MAGI3: variants seen among roughly 807,000 people sequenced by gnomAD.
MAGI3 encodes the protein membrane-associated guanylate kinase, WW and PDZ domain-containing protein 3.
A neutral mutation model predicts 121.8 loss-of-function variants in MAGI3; 43 were observed. The ratio of observed to expected loss-of-function variants is 0.35; its 90% CI spans 0.28 to 0.46. The LOEUF (loss-of-function observed/expected upper bound fraction) is 0.46, where lower values mean the gene tolerates loss of function less well. Among genes scored for constraint, MAGI3 ranks in the 20% least tolerant of loss-of-function variants. The pLI, the probability that MAGI3 is intolerant of heterozygous loss-of-function variation, is 1.00. For synonymous variants in MAGI3, 553 were observed against 639.3 expected, an observed-to-expected ratio of 0.86 and a Z score of 2.04; for missense variants, 1,547 against 1,797.3, an observed-to-expected ratio of 0.86 and a Z score of 2.52.
intron 1 of MAGI3, among the ~76,000 whole-genome samples, chr1:113,488,104 A>T (rs981465438): frequency 6.6e-6 from 1 of 152,104 alleles, no homozygotes; most frequent in African/African-American, 2.4e-5. Flanking sequence ...TTTTTTTACT[A>T]CTATTTTAAC....
At chr1:113,477,035 A>G (rs1655859385) in intron 1 of MAGI3, among the ~76,000 whole-genome samples, 1 of 148,088 alleles carries the variant, frequency 6.8e-6, no homozygotes, top group Non-Finnish European at 1.5e-5. Context: ...ATCAGAGACT[A>G]GGGTTGCACC....
chr1:113,682,672 G>T, intron 20 of MAGI3: 1 of 977,144 alleles, frequency 1.0e-6, no homozygotes, highest in Non-Finnish European at 1.2e-6. Flanking sequence ...TGGAAAAAAT[G>T]AATATTATTT....
At chr1:113,630,974 G>A (rs1651592374) in intron 9 of MAGI3, among the ~76,000 whole-genome samples, 1 of 152,222 alleles carries the variant, frequency 6.6e-6, no homozygotes, top group Admixed American at 6.5e-5. Flanking sequence ...CCAGTGGTGA[G>A]GCTTGCTGGA....
At chr1:113,442,035 C>T (rs1008581196) in intron 1 of MAGI3, among the ~76,000 whole-genome samples, 3 of 151,870 alleles carry the variant, frequency 2.0e-5, no homozygotes, top group Non-Finnish European at 4.4e-5. Flanking sequence ...AATTTTCTTC[C>T]AGTGTTTTCT....
intron 2 of MAGI3, among the ~76,000 whole-genome samples, chr1:113,550,945 C>G (rs1659760528): frequency 7.6e-6 from 1 of 130,924 alleles, no homozygotes; most frequent in Non-Finnish European, 1.7e-5. Flanking sequence ...TAAAATCTTT[C>G]CCTTCCCCAA....
intron 6 of MAGI3, among the ~76,000 whole-genome samples, chr1:113,599,223 G>A (rs528299021): frequency 4.5e-4 from 69 of 152,118 alleles, no homozygotes; most frequent in African/African-American, 1.4e-3. Flanking sequence ...TAAATTCAGA[G>A]CAGAACTGAA....
intron 1 of MAGI3, among the ~76,000 whole-genome samples, chr1:113,396,963 T>C (rs1261636563): frequency 3.9e-5 from 6 of 152,172 alleles, no homozygotes; most frequent in Non-Finnish European, 7.4e-5. Context: ...GAAAAAGTAG[T>C]GGAGCTGCAT....
Position 113,683,284 on chromosome 1 carries a change from T to C in MAGI3, c.3716T>C (p.Ile1239Thr), listed in dbSNP as rs558406257. The change falls in exon 21 of 21, where the codon ATT becomes ACT. Residue 1239 changes from isoleucine to threonine, a missense_variant. Transcript: ENST00000307546. ...CATTCAGAGGAACATTTGGATAAGATTCCTAGTCCTCTAAAAAATAACCCC... is the reference window on the plus strand; with the variant it reads ...CATTCAGAGGAACATTTGGATAAGACTCCTAGTCCTCTAAAAAATAACCCC... ...SQHSEEHLDK[I>T]PSPLKNNPKR... 2 of 1,612,592 alleles carry C rather than the reference T, an allele frequency of 1.2e-6. No homozygotes were observed. The highest frequency in any genetic ancestry group is 2.2e-5 in the South Asian group (2 of 90,798).
At chr1:113,682,125 A>G (rs752614479) in intron 20 of MAGI3, 9 of 1,444,972 alleles carry the variant, frequency 6.2e-6, no homozygotes, top group Non-Finnish European at 8.4e-6. Flanking sequence ...CTTGTAAATC[A>G]TATGTTCCCA....
chr1:113,467,088 C>T (rs910020670), intron 1 of MAGI3, among the ~76,000 whole-genome samples: 3 of 151,954 alleles, frequency 2.0e-5, no homozygotes, highest in Non-Finnish European at 4.4e-5. Context: ...TTGCTATAAA[C>T]TTCCCTCTTA....
intron 9 of MAGI3, among the ~76,000 whole-genome samples, chr1:113,635,478 G>GA (rs1465366485): frequency 1.3e-5 from 2 of 152,182 alleles, no homozygotes; most frequent in African/African-American, 4.8e-5. Context: ...CATCTATTGA[G>GA]ATAACCATGT....
At chr1:113,567,865 A>G (rs1434991417) in intron 2 of MAGI3, among the ~76,000 whole-genome samples, 2 of 152,070 alleles carry the variant, frequency 1.3e-5, no homozygotes, top group Non-Finnish European at 2.9e-5. Flanking sequence ...AGCCAGAGTA[A>G]TAAGACAGCA....
Position 113,656,013 on chromosome 1 carries a change from A to G in MAGI3, c.2629+1995A>G, listed in dbSNP as rs138986169. Among the ~76,000 whole-genome samples, 848 of 152,344 alleles carry G rather than the reference A, an allele frequency of 5.6e-3. 8 individuals are homozygous for G. Among genetic ancestry groups the G allele is most frequent in the Non-Finnish European group, 7.3e-3 (498 of 68,032 alleles). On this transcript the variant is annotated intron_variant, in intron 15 of 20. Coordinates refer to ENST00000307546, the MANE Select transcript of MAGI3 (RefSeq NM_001142782.2). Reference sequence around the variant, plus strand: ...ATAATGAGATAGGAAAGAAAGCCCAATTAAAATGTAAGATTGAGGCAGCAG... The same window carrying G: ...ATAATGAGATAGGAAAGAAAGCCCAGTTAAAATGTAAGATTGAGGCAGCAG...
chr1:113,406,310 T>A (rs1570625935), intron 1 of MAGI3, among the ~76,000 whole-genome samples: 1 of 147,578 alleles, frequency 6.8e-6, no homozygotes, highest in Non-Finnish European at 1.5e-5. Flanking sequence ...TAGCCGGGTG[T>A]GGTGGCACGT....
At chr1:113,656,315 C>A (rs1289732618) in intron 15 of MAGI3, among the ~76,000 whole-genome samples, 1 of 152,120 alleles carries the variant, frequency 6.6e-6, no homozygotes, top group Non-Finnish European at 1.5e-5. Context: ...AGAGACTGAA[C>A]ACTTGCTGCA....
intron 4 of MAGI3, among the ~76,000 whole-genome samples, chr1:113,589,085 T>C (rs1451480581): frequency 6.6e-6 from 1 of 152,068 alleles, no homozygotes; most frequent in Non-Finnish European, 1.5e-5. Flanking sequence ...AGTTCTTCCA[T>C]AGTAACAGAT....
Position 113,618,578 on chromosome 1 carries a change from T to A in MAGI3, c.1077-1158T>A, listed in dbSNP as rs1044434354. ...TGGAGTGCAATGGCATGATCTCGGC[T>A]CACTGCAACCTCCGCCTCCTGGGTT... On this transcript the variant is annotated intron_variant, in intron 7 of 20. Transcript: ENST00000307546. 5.7e-5 allele frequency: 25 copies of A among 435,498 alleles called. No individual in the cohort carries two copies. The Admixed American group carries it at 6.3e-4, about 11-fold the overall frequency. 27.0% of individuals were successfully genotyped at this position (435,498 alleles called of 1,614,324 possible). A position where few individuals can be genotyped will look rare whatever the true frequency, so the allele number is the denominator to read the frequency against.
At chr1:113,537,200 G>A (rs7514649) in intron 1 of MAGI3, among the ~76,000 whole-genome samples, 18,921 of 152,030 alleles carry the variant, frequency 0.12, 1,247 homozygotes, top group East Asian at 0.18. Context: ...AGCTAGAGCC[G>A]AGGGAACATT....
chr1:113,513,880 C>G (rs1657747353), intron 1 of MAGI3, among the ~76,000 whole-genome samples: 1 of 152,134 alleles, frequency 6.6e-6, no homozygotes, highest in African/African-American at 2.4e-5. Context: ...ACCTACTCAT[C>G]TGACAAAGGG....
Sources: allele counts gnomAD v4.1 joint callset (sites outside exome capture counted in the v4.1 genomes callset), GRCh38; gene constraint gnomAD v4.1.1; transcripts MANE v1.5; gene names NCBI Gene and HGNC (gene_info 2026-07-23, HGNC 2026-07-21).